The following GTF2F2 variants were observed in gnomAD, a reference collection of about 807,000 sequenced individuals.
GTF2F2 encodes general transcription factor IIF subunit 2.
In GTF2F2, 23 loss-of-function variants were observed where a neutral mutation model predicts 42.2. That is an observed-to-expected ratio of 0.55 (90% CI 0.39 to 0.77). The LOEUF is 0.77. Ranked by LOEUF, GTF2F2 falls within the 30% of genes least tolerant of loss-of-function variation. The probability of loss-of-function intolerance (pLI) is 0.00; values close to 1 mark genes in which losing one functional copy is unlikely to be tolerated. For missense variants in GTF2F2, 261 were observed against 287.2 expected, an observed-to-expected ratio of 0.91 and a Z score of 0.66; for synonymous variants, 105 against 100.8, an observed-to-expected ratio of 1.04 and a Z score of -0.25.
intron 4 of GTF2F2, among the ~76,000 whole-genome samples, chr13:45,205,881 C>T (rs1873392504): frequency 6.6e-6 from 1 of 152,108 alleles, no homozygotes; most frequent in South Asian, 2.1e-4. Flanking sequence ...GCATTTAAGA[C>T]ATTTGATATA....
At chr13:45,267,479 A>G (rs1876616930) in intron 7 of GTF2F2, 103 bp downstream of exon 7, 4 of 747,532 alleles carry the variant, frequency 5.4e-6, no homozygotes, top group South Asian at 5.3e-5. Flanking sequence ...TACCTATGCT[A>G]ATGACTAATT....
chr13:45,167,108 T>A (rs1351379675), intron 4 of GTF2F2, among the ~76,000 whole-genome samples: 3 of 151,142 alleles, frequency 2.0e-5, no homozygotes, highest in African/African-American at 4.8e-5. Flanking sequence ...TTTTTTTTTT[T>A]AAAGAACTTC....
At chr13:45,153,286 G>A (rs1396759059) in intron 4 of GTF2F2, among the ~76,000 whole-genome samples, 1 of 151,944 alleles carries the variant, frequency 6.6e-6, no homozygotes, top group Admixed American at 6.6e-5. Flanking sequence ...CCGGAGTGCT[G>A]GGATTACAGG....
At chr13:45,171,038 G>A (rs1276241083) in intron 4 of GTF2F2, among the ~76,000 whole-genome samples, 3 of 150,238 alleles carry the variant, frequency 2.0e-5, no homozygotes, top group African/African-American at 7.4e-5. Flanking sequence ...AGGTGACATA[G>A]CCGTGAAAAT....
At chr13:45,180,801 A>G (rs1335767821) in intron 4 of GTF2F2, among the ~76,000 whole-genome samples, 1 of 152,168 alleles carries the variant, frequency 6.6e-6, no homozygotes, top group Non-Finnish European at 1.5e-5. Context: ...TTTCTTTAAA[A>G]GAAGTATATT....
At chr13:45,213,772 T>A (rs1382070743) in intron 5 of GTF2F2, among the ~76,000 whole-genome samples, 3 of 152,178 alleles carry the variant, frequency 2.0e-5, no homozygotes, top group Non-Finnish European at 4.4e-5. Flanking sequence ...ATTCAGCTTC[T>A]TTATTAATAA....
chr13:45,267,571 A>G (rs1405054189), intron 7 of GTF2F2, among the ~76,000 whole-genome samples, 195 bp downstream of exon 7: 1 of 152,212 alleles, frequency 6.6e-6, no homozygotes, highest in South Asian at 2.1e-4. Flanking sequence ...AGTACTCTTA[A>G]TAATTATTTA....
intron 5 of GTF2F2, among the ~76,000 whole-genome samples, chr13:45,245,710 T>C (rs866264525): frequency 0.051 from 7,061 of 139,686 alleles, 527 homozygotes; most frequent in African/African-American, 0.16. Context: ...TACATATACA[T>C]ACACACACAC....
At chr13:45,279,892 T>G (rs1481025942) in intron 7 of GTF2F2, among the ~76,000 whole-genome samples, 1 of 151,350 alleles carries the variant, frequency 6.6e-6, no homozygotes, top group African/African-American at 2.4e-5. Context: ...GCAACGAGAG[T>G]GAAACTCTGT....
chr13:45,135,690 C>T (rs1232120626), intron 1 of GTF2F2, among the ~76,000 whole-genome samples: 7 of 152,136 alleles, frequency 4.6e-5, no homozygotes, highest in Non-Finnish European at 8.8e-5. Flanking sequence ...GTGGTCAAGT[C>T]GTGTTTTTTT....
At chr13:45,213,703 A>T (rs2138197389) in intron 5 of GTF2F2, among the ~76,000 whole-genome samples, 1 of 151,698 alleles carries the variant, frequency 6.6e-6, no homozygotes, top group Non-Finnish European at 1.5e-5. Flanking sequence ...ATCCAAAAGT[A>T]TTTATTGGAT....
chr13:45,167,688 C>T (rs1250801672), intron 4 of GTF2F2, among the ~76,000 whole-genome samples: 9 of 152,070 alleles, frequency 5.9e-5, no homozygotes, highest in Admixed American at 1.3e-4. Context: ...CGTGAGCCAC[C>T]GTGCCCGGCC....
chr13:45,139,186 A>T (rs948344545), intron 2 of GTF2F2, among the ~76,000 whole-genome samples: 1 of 152,186 alleles, frequency 6.6e-6, no homozygotes, highest in Non-Finnish European at 1.5e-5. Flanking sequence ...GAAATGTAGG[A>T]TGTACCCAGC....
At position 45,161,293 on chromosome 13, in the gene GTF2F2, T is replaced by C. The variant is rs115189234; in HGVS notation, c.304+9462T>C. Among the ~76,000 whole-genome samples the C allele has an allele frequency of 2.7e-3, 416 of 152,232 alleles. 1 individual carries two copies. Among genetic ancestry groups the C allele is most frequent in the African/African-American group, 9.4e-3 (390 of 41,524 alleles). On this transcript the variant is annotated intron_variant, in intron 4 of 7. Transcript: ENST00000340473. The stretch of plus-strand genomic sequence containing the variant: ...AAGGTAATTAAATATTTTAAGAAAA[T>C]ATTTTGACCTTGTGGACACCCAAAT...
chr13:45,166,982 T>C (rs1262135119), intron 4 of GTF2F2, among the ~76,000 whole-genome samples: 1 of 152,158 alleles, frequency 6.6e-6, no homozygotes, highest in East Asian at 1.9e-4. Context: ...CTTATTCTTA[T>C]ATGTTCCTAC....
intron 5 of GTF2F2, among the ~76,000 whole-genome samples, chr13:45,247,990 G>A (rs907891866): frequency 1.1e-4 from 17 of 151,934 alleles, no homozygotes; most frequent in African/African-American, 4.1e-4. Flanking sequence ...GATTACAGGC[G>A]TGCATCACCA....
chr13:45,241,700 G>C (rs1875319845), intron 5 of GTF2F2, among the ~76,000 whole-genome samples: 1 of 152,130 alleles, frequency 6.6e-6, no homozygotes, highest in African/African-American at 2.4e-5. Context: ...CTTAAATGCT[G>C]AATCTAAATG....
chr13:45,240,269 A>T (rs74655655), intron 5 of GTF2F2, among the ~76,000 whole-genome samples: 6 of 152,170 alleles, frequency 3.9e-5, no homozygotes, highest in Non-Finnish European at 8.8e-5. Context: ...ATAAGACTGT[A>T]GTCTTGATGC....
intron 5 of GTF2F2, among the ~76,000 whole-genome samples, chr13:45,225,611 CAAAAA>C (rs35637992): frequency 1.5e-5 from 1 of 65,542 alleles, no homozygotes. Context: ...AGCTCTGTCT[CAAAAA>C]AAAAAAAAAA....
Sources: gnomAD v4.1 joint callset for allele counts (sites outside exome capture counted in the v4.1 genomes callset) on GRCh38, gnomAD v4.1.1 for gene constraint, MANE v1.5 for transcripts, NCBI Gene and HGNC (gene_info 2026-07-23, HGNC 2026-07-21) for gene names.